CALD1: variants seen among roughly 807,000 people sequenced by gnomAD.
CALD1 encodes caldesmon.
Under a neutral mutation model 99.9 loss-of-function variants are expected in CALD1, and 33 were observed. The observed-to-expected ratio is 0.33, with a 90% CI of 0.25 to 0.44. CALD1 has a LOEUF of 0.44. Ranked by LOEUF, CALD1 falls within the 20% of genes least tolerant of loss-of-function variation. The pLI, the probability that CALD1 is intolerant of heterozygous loss-of-function variation, is 1.00. For synonymous variants in CALD1, 310 were observed against 325.0 expected, an observed-to-expected ratio of 0.95 and a Z score of 0.50; for missense variants, 861 against 962.1, an observed-to-expected ratio of 0.89 and a Z score of 1.39.
chr7:134,965,834 CCAA>C (rs533135833), intron 14 of CALD1, among the ~76,000 whole-genome samples: 8,762 of 81,944 alleles, frequency 0.11, 785 homozygotes, highest in African/African-American at 0.25. Context: ...GTTGCTATGG[CCAA>C]AAAAAAAAAA....
At chr7:134,778,235 GC>G (rs1562994738), upstream of CALD1, among the ~76,000 whole-genome samples, 1 of 152,318 alleles carries the variant, frequency 6.6e-6, no homozygotes, top group South Asian at 2.1e-4. Flanking sequence ...ACTTGTTAAT[GC>G]TGGAAGGCTG....
chr7:134,900,400 G>T (rs192080630), intron 3 of CALD1, among the ~76,000 whole-genome samples: 156 of 152,216 alleles, frequency 1.0e-3, no homozygotes, highest in Non-Finnish European at 1.8e-3. Flanking sequence ...AGCCCAGAGG[G>T]GTTAGGTACA....
intron 1 of CALD1, among the ~76,000 whole-genome samples, chr7:134,744,845 C>G (rs1305383472): frequency 6.6e-6 from 1 of 152,112 alleles, no homozygotes; most frequent in Non-Finnish European, 1.5e-5. Context: ...CTCCAGGAAG[C>G]CTCTCCTGGA....
intron 3 of CALD1, among the ~76,000 whole-genome samples, chr7:134,880,247 G>A (rs1372821061): frequency 3.9e-5 from 6 of 152,252 alleles, no homozygotes; most frequent in Admixed American, 2.0e-4. Flanking sequence ...ACTCAGAGCC[G>A]GCACCAGCAC....
chr7:134,870,727 CCTCT>C (rs139103344), intron 3 of CALD1, among the ~76,000 whole-genome samples: 12,874 of 148,436 alleles, frequency 0.087, 646 homozygotes, highest in South Asian at 0.25. Flanking sequence ...TTCCTTCCTT[CCTCT>C]CTCTCTCTCT....
intron 1 of CALD1, among the ~76,000 whole-genome samples, chr7:134,801,959 G>A (rs1797961239): frequency 6.6e-6 from 1 of 152,058 alleles, no homozygotes; most frequent in Admixed American, 6.6e-5. Context: ...ATTTAGGAGA[G>A]GTTGGCTGTC....
At chr7:134,892,656 G>A (rs1802290880) in intron 3 of CALD1, among the ~76,000 whole-genome samples, 1 of 152,274 alleles carries the variant, frequency 6.6e-6, no homozygotes, top group African/African-American at 2.4e-5. Flanking sequence ...AAGTGTGGTT[G>A]GTTATTCACG....
upstream of CALD1, among the ~76,000 whole-genome samples, chr7:134,778,104 C>T (rs1354839645): frequency 6.6e-6 from 1 of 152,148 alleles, no homozygotes; most frequent in Non-Finnish European, 1.5e-5. Context: ...TCTCCCTCTG[C>T]CTGGGAGCCT....
intron 1 of CALD1, among the ~76,000 whole-genome samples, chr7:134,781,356 G>A (rs1797096797): frequency 6.6e-6 from 1 of 152,152 alleles, no homozygotes; most frequent in African/African-American, 2.4e-5. Context: ...ATCCCTGAAA[G>A]TTCAAACTGT....
the CALD1 span, among the ~76,000 whole-genome samples, chr7:134,727,607 A>C: frequency 6.6e-6 from 1 of 152,206 alleles, no homozygotes; most frequent in Non-Finnish European, 1.5e-5. Context: ...CATGGGGCAA[A>C]AACCTGGTTA....
intron 1 of CALD1, among the ~76,000 whole-genome samples, chr7:134,837,574 C>T (rs570590530): frequency 1.3e-5 from 2 of 152,218 alleles, no homozygotes; most frequent in South Asian, 4.2e-4. Flanking sequence ...GTCTCAAATT[C>T]CCGACCTTGT....
intron 3 of CALD1, chr7:134,868,028 T>G: frequency 3.0e-6 from 1 of 332,056 alleles, no homozygotes; most frequent in Non-Finnish European, 5.6e-6. Context: ...AATCAATTGA[T>G]AACTGCATAT....
chr7:134,711,708 G>A, the CALD1 span, among the ~76,000 whole-genome samples: 2 of 136,508 alleles, frequency 1.5e-5, no homozygotes, highest in Admixed American at 7.3e-5. Flanking sequence ...GTGTGTGTGT[G>A]TGTGTGTGTG....
chr7:134,730,426 C>A, the CALD1 span, among the ~76,000 whole-genome samples: 1 of 152,122 alleles, frequency 6.6e-6, no homozygotes, highest in African/African-American at 2.4e-5. Context: ...TGTAAGGACC[C>A]CAACTTCCCA....
chr7:134,947,874 A>G, intron 8 of CALD1, 105 bp downstream of exon 8: 1 of 1,348,712 alleles, frequency 7.4e-7, no homozygotes, highest in Non-Finnish European at 1.0e-6. Flanking sequence ...TTTTAAGAAT[A>G]ATAAACTTAC....
In CALD1 at chr7:134,845,407, A is replaced by T. The variant is rs114619514; in HGVS notation, c.-42+1436A>T. ...CTTTCTCCTCACTTCCTGCCCCCCAAGACAGGTAGAAATAAGTTAAGGCTG... is the reference window on the plus strand; with the variant it reads ...CTTTCTCCTCACTTCCTGCCCCCCATGACAGGTAGAAATAAGTTAAGGCTG... On this transcript the variant is annotated intron_variant, in intron 2 of 14. Coordinates refer to ENST00000361675, the MANE Select transcript of CALD1 (RefSeq NM_033138.4). Among the ~76,000 whole-genome samples the T allele has an allele frequency of 7.5e-3, 1,138 of 152,324 alleles. 21 individuals carry two copies. The highest frequency in any genetic ancestry group is 0.026 in the African/African-American group (1,088 of 41,570).
intron 2 of CALD1, among the ~76,000 whole-genome samples, chr7:134,850,088 T>G (rs1305934665): frequency 6.6e-6 from 1 of 152,218 alleles, no homozygotes; most frequent in African/African-American, 2.4e-5. Flanking sequence ...TGAACCCCAC[T>G]TAAGTGAAAT....
intron 9 of CALD1, 88 bp from the exon 10 acceptor site, chr7:134,957,980 AG>A (rs1807904477): frequency 1.1e-6 from 1 of 947,882 alleles, no homozygotes; most frequent in South Asian, 1.3e-5. Context: ...TGTGTTTAAC[AG>A]GTTCAGGGAT....
chr7:134,960,191 G>A (rs1293838077), intron 12 of CALD1, 80 bp downstream of exon 12: 4 of 1,483,964 alleles, frequency 2.7e-6, no homozygotes, highest in South Asian at 1.2e-5. Flanking sequence ...AATCACACTA[G>A]TAAATAATAA....
Sources: allele counts gnomAD v4.1 joint callset (sites outside exome capture counted in the v4.1 genomes callset), GRCh38; gene constraint gnomAD v4.1.1; transcripts MANE v1.5; gene names NCBI Gene and HGNC (gene_info 2026-07-23, HGNC 2026-07-21).